The following ROS1 variants were observed in gnomAD, a reference collection of about 807,000 sequenced individuals.
ROS1 encodes the protein ROS proto-oncogene 1, receptor tyrosine kinase.
A neutral mutation model predicts 273.5 loss-of-function variants in ROS1; 263 were observed. The observed-to-expected ratio is 0.96, with a 90% CI of 0.87 to 1.06. ROS1 has a LOEUF of 1.06. Ranked by LOEUF, ROS1 falls within the 50% of genes least tolerant of loss-of-function variation. The probability of loss-of-function intolerance (pLI) is 0.00; values close to 1 mark genes in which losing one functional copy is unlikely to be tolerated. For synonymous variants in ROS1, 1,008 were observed against 954.1 expected (o/e 1.06, Z -1.04); for missense variants, 2,833 against 2,751.1 (o/e 1.03, Z -0.67).
rs1778458274 is a variant in ROS1 at position 117,347,297 on chromosome 6, C to A, written c.4304-3035G>T. On this transcript the variant is annotated intron_variant, in intron 27 of 43. Coordinates refer to ENST00000368507, the MANE Select transcript of ROS1 (RefSeq NM_001378902.1). The stretch of plus-strand genomic sequence containing the variant: ...TTGTGCATATGCTGTTAGATTTATA[C>A]CTAAGTATTTCATTTTCTGTGGGTG... 2.0e-5 allele frequency among the ~76,000 whole-genome samples: 3 copies of A among 151,948 alleles called. 1 individual carries two copies. The highest frequency in any genetic ancestry group is 6.6e-5 in the Admixed American group (1 of 15,238).
chr6:117,360,191 G>A (rs1046362871), intron 23 of ROS1, 151 bp downstream of exon 23: 3 of 758,482 alleles, frequency 4.0e-6, no homozygotes, highest in African/African-American at 1.8e-5. Context: ...ACATATTTTG[G>A]TGGTGTGTTG....
chr6:117,350,670 C>T (rs1475258408), intron 27 of ROS1, among the ~76,000 whole-genome samples: 3 of 142,794 alleles, frequency 2.1e-5, no homozygotes, highest in Non-Finnish European at 4.6e-5. Flanking sequence ...CTTGAATATT[C>T]TGTTTCGGTT....
Position 117,324,420 on chromosome 6 carries a change from T to A in ROS1, c.5540-5A>T. The A allele has an allele frequency of 7.8e-7, 1 of 1,288,504 alleles. No homozygotes were observed. The highest frequency in any genetic ancestry group is 1.1e-6 in the Non-Finnish European group (1 of 900,060). 79.8% of individuals were successfully genotyped at this position (1,288,504 alleles called of 1,614,324 possible). A position where few individuals can be genotyped will look rare whatever the true frequency, so the allele number is the denominator to read the frequency against. On this transcript the variant is annotated splice_region_variant and splice_polypyrimidine_tract_variant and intron_variant, in intron 34 of 43. Coordinates refer to ENST00000368507, the MANE Select transcript of ROS1 (RefSeq NM_001378902.1). ...TTTCTGGTATCCAAAAATCATCTAA[T>A]AATATAAATCAGAAAAAGAAATTAA...
At chr6:117,360,159 C>T (rs1779669877) in intron 23 of ROS1, 148 bp from the exon 24 acceptor site, 4 of 773,148 alleles carry the variant, frequency 5.2e-6, no homozygotes, top group Non-Finnish European at 8.2e-6. Context: ...CTTGTAGGCT[C>T]TCTACCCCTA....
chr6:117,363,906 C>T (rs1321806), intron 21 of ROS1, among the ~76,000 whole-genome samples: 74,327 of 151,778 alleles, frequency 0.49, 19,075 homozygotes, highest in African/African-American at 0.64. Flanking sequence ...ATATCTAGTA[C>T]AGAACTGGCA....
At chr6:117,410,383 T>G (rs536451432) in intron 4 of ROS1, among the ~76,000 whole-genome samples, 9 of 152,136 alleles carry the variant, frequency 5.9e-5, no homozygotes, top group Non-Finnish European at 1.0e-4. Context: ...CCTTGGAAAA[T>G]TAAAAGTGGA....
Position 117,411,271 on chromosome 6 carries a change from C to G in ROS1, c.256-1629G>C, listed in dbSNP as rs148601730. On this transcript the variant is annotated intron_variant, in intron 4 of 43. Coordinates refer to ENST00000368507, the MANE Select transcript of ROS1 (RefSeq NM_001378902.1). The stretch of plus-strand genomic sequence containing the variant: ...TCTCTCTCCCTCCCTCCCTCCCACT[C>G]TCTCCATCCCCCCACTCCTTTCACC... Among the ~76,000 whole-genome samples the G allele has an allele frequency of 1.6e-3, 239 of 146,440 alleles. 4 individuals carry two copies. The highest frequency in any genetic ancestry group is 5.8e-3 in the African/African-American group (231 of 40,072).
rs755766404 is a variant in ROS1 at position 117,341,461 on chromosome 6, G to A, written c.4823C>T (p.Pro1608Leu). The A allele has an allele frequency of 8.1e-6, 13 of 1,613,832 alleles. No individual in the cohort carries two copies. The highest frequency in any genetic ancestry group is 1.1e-5 in the South Asian group (1 of 91,070). Reference sequence around the variant, plus strand: ...AACAAGGAGAGTGAGCCTTCCATTTGGAAATTCACTTTGTCTTAGAGGAGT... The same window carrying A: ...AACAAGGAGAGTGAGCCTTCCATTTAGAAATTCACTTTGTCTTAGAGGAGT... ...PETPLRQSEF[P>L]NGRLTLLVTR... Residue 1608 changes from proline to leucine, a missense_variant, in exon 30 of 44, where the codon CCA becomes CTA. Physicochemically the swap from Pro to Leu is moderately conservative, Grantham distance 98 (BLOSUM62 -3). Coordinates refer to ENST00000368507, the MANE Select transcript of ROS1 (RefSeq NM_001378902.1).
rs759947584 is a variant in ROS1, at chr6:117,362,667, A to G, written c.3302T>C (p.Val1101Ala). The G allele has an allele frequency of 1.9e-6, 3 of 1,613,188 alleles. No homozygotes were observed. In the African/African-American group the frequency reaches 4.0e-5, roughly 22 times the overall value. ...TTGAAAAGACATCACTGAGGGAGTGACATTGACAGCAATCCAGTCTTCACA... is the reference window on the plus strand; with the variant it reads ...TTGAAAAGACATCACTGAGGGAGTGGCATTGACAGCAATCCAGTCTTCACA... Reference protein sequence around the residue: ...KTCEDWIAVNVTPSVMSFQLE... With the variant: ...KTCEDWIAVNATPSVMSFQLE... The change falls in exon 22 of 44, where the codon GTC becomes GCC. Residue 1101 changes from valine to alanine, a missense_variant. By Grantham distance (64) the Val-to-Ala change is moderately conservative. Transcript: ENST00000368507.
chr6:117,290,950 T>C (rs955946633), intron 43 of ROS1, among the ~76,000 whole-genome samples: 1 of 152,210 alleles, frequency 6.6e-6, no homozygotes, highest in Admixed American at 6.5e-5. Flanking sequence ...TGCAAAGCAG[T>C]AAGCTATTAT....
intron 26 of ROS1, among the ~76,000 whole-genome samples, 169 bp from the exon 27 acceptor site, chr6:117,353,335 T>C (rs1433021412): frequency 1.3e-5 from 2 of 152,254 alleles, no homozygotes; most frequent in Non-Finnish European, 2.9e-5. Context: ...GTTTTAGAGA[T>C]GTTCTCTCAT....
rs1779350765 is a variant in ROS1, at chr6:117,356,766, T to C, written c.3989A>G (p.Glu1330Gly). The C allele has an allele frequency of 6.2e-6, 10 of 1,614,144 alleles. No homozygotes were observed. The highest frequency in any genetic ancestry group is 8.5e-6 in the Non-Finnish European group (10 of 1,180,024). ...ATCAATAGCCATTGCTCCACTTAAC[T>C]CAAATTCAGTCACATTACAAGAACA... ...NQCSCNVTEF[E>G]LSGAMAIDTS... Residue 1330 changes from glutamate (E) to glycine (G), a missense_variant, in exon 26 of 44, where the codon GAG becomes GGG. Physicochemically the swap from Glu to Gly is moderately conservative, Grantham distance 98. Transcript: ENST00000368507.
chr6:117,350,961 T>C (rs1426115743), intron 27 of ROS1, among the ~76,000 whole-genome samples: 1 of 152,224 alleles, frequency 6.6e-6, no homozygotes, highest in Non-Finnish European at 1.5e-5. Context: ...AGTCTGATAA[T>C]TCTAACATCC....
intron 26 of ROS1, 21 bp downstream of exon 26, chr6:117,356,608 G>A (rs750209891): frequency 2.5e-5 from 40 of 1,596,334 alleles, no homozygotes; most frequent in Non-Finnish European, 3.4e-5. Flanking sequence ...AAATATCTGT[G>A]CACATACATC....
chr6:117,341,394 CTG>C lies in ROS1; in HGVS notation c.4884+4_4884+5del. The stretch of plus-strand genomic sequence containing the variant: ...CAATAAAGAGTGCCTAGTAAACTCA[CTG>C]TACCTTTAACACATAAATATTTCCA... On this transcript the variant is annotated splice_donor_5th_base_variant and intron_variant, in intron 30 of 43. Coordinates refer to ENST00000368507, the MANE Select transcript of ROS1 (RefSeq NM_001378902.1). The C allele has an allele frequency of 6.2e-7, 1 of 1,612,706 alleles. No homozygotes were observed. Among genetic ancestry groups the C allele is most frequent in the Non-Finnish European group, 8.5e-7 (1 of 1,178,772 alleles).
At chr6:117,371,734 T>C (rs1276327422) in intron 18 of ROS1, among the ~76,000 whole-genome samples, 3 of 152,164 alleles carry the variant, frequency 2.0e-5, no homozygotes, top group Admixed American at 6.5e-5. Flanking sequence ...GGAGACATGG[T>C]GGGAGTGAGA....
intron 14 of ROS1, 62 bp from the exon 15 acceptor site, chr6:117,387,061 T>C (rs1772642480): frequency 1.2e-6 from 1 of 825,348 alleles, no homozygotes; most frequent in Non-Finnish European, 2.0e-6. Context: ...AAAGGTATCT[T>C]ATATACTTAT....
rs1336934641 is a variant in ROS1 at position 117,318,415 on chromosome 6, T to TA, written c.5923-164dup. ...TGTATTCTACAAACCCTTCAAATGTTACCTCCTGTTATTGCTAGTAGAAGA... is the reference window on the plus strand; with the variant it reads ...TGTATTCTACAAACCCTTCAAATGTTAACCTCCTGTTATTGCTAGTAGAAGA... On this transcript the variant is annotated intron_variant, in intron 37 of 43. Transcript: ENST00000368507. Among the ~76,000 whole-genome samples, 6 of 152,264 alleles carry TA rather than the reference T, an allele frequency of 3.9e-5. No homozygotes were observed. In the South Asian group the frequency reaches 1.2e-3, roughly 32 times the overall value.
chr6:117,394,493 A>C (rs1773331427), intron 10 of ROS1, 123 bp downstream of exon 10: 2 of 847,806 alleles, frequency 2.4e-6, no homozygotes, highest in African/African-American at 3.6e-5. Context: ...AAATTATTCT[A>C]ATATATTAGG....
Sources: gnomAD v4.1 joint callset for allele counts (sites outside exome capture counted in the v4.1 genomes callset) on GRCh38, gnomAD v4.1.1 for gene constraint, MANE v1.5 for transcripts, NCBI Gene and HGNC (gene_info 2026-07-23, HGNC 2026-07-21) for gene names.